The following NAV2 variants were observed in gnomAD, a reference collection of about 807,000 sequenced individuals.
NAV2 encodes helicase, APC down-regulated 1.
Under a neutral mutation model 223.2 loss-of-function variants are expected in NAV2, and 54 were observed. The ratio of observed to expected loss-of-function variants is 0.24; its 90% CI spans 0.19 to 0.30. The LOEUF (loss-of-function observed/expected upper bound fraction) is 0.30. Ranked by LOEUF, NAV2 falls within the 10% of genes least tolerant of loss-of-function variation. The pLI, the probability that NAV2 is intolerant of heterozygous loss-of-function variation, is 1.00. For missense variants in NAV2, 2,806 were observed against 3,147.5 expected (o/e 0.89, Z 2.60); for synonymous variants, 1,279 against 1,239.3 (o/e 1.03, Z -0.67).
chr11:19,932,236 C>CAAAAAAAAA (rs398015484), intron 6 of NAV2, among the ~76,000 whole-genome samples: 104 of 78,784 alleles, frequency 1.3e-3, no homozygotes, highest in African/African-American at 2.0e-3. Context: ...CACTCTTAAG[C>CAAAAAAAAA]AAAAAAAAAA....
At chr11:20,063,095 T>C (rs2058811709) in intron 20 of NAV2, among the ~76,000 whole-genome samples, 1 of 152,254 alleles carries the variant, frequency 6.6e-6, no homozygotes, top group Admixed American at 6.5e-5. Flanking sequence ...CACTACAATA[T>C]AAACTCTTTC....
intron 1 of NAV2, among the ~76,000 whole-genome samples, chr11:19,652,194 T>G (rs2047990789): frequency 6.6e-6 from 1 of 152,204 alleles, no homozygotes; most frequent in Admixed American, 6.5e-5. Flanking sequence ...TCATTCAGAA[T>G]CTACCCAGGG....
At chr11:20,106,171 A>ATGTGTGTG (rs2062032179) in intron 35 of NAV2, among the ~76,000 whole-genome samples, 1 of 9,280 alleles carries the variant, frequency 1.1e-4, no homozygotes, top group South Asian at 0.01. Context: ...ATATATATAT[A>ATGTGTGTG]TATATGTGTG....
intron 1 of NAV2, among the ~76,000 whole-genome samples, chr11:19,487,338 C>T (rs1246688305): frequency 6.6e-6 from 1 of 152,216 alleles, no homozygotes. Flanking sequence ...GGAAAAGGAG[C>T]TGATACTCTG....
At chr11:19,711,409 C>T (rs1247502023), upstream of NAV2, 1 of 152,174 alleles carries the variant, frequency 6.6e-6, no homozygotes, top group Admixed American at 6.5e-5. Flanking sequence ...AGAAGACTGC[C>T]TTCTGTGTCC....
intron 1 of NAV2, among the ~76,000 whole-genome samples, chr11:19,508,142 T>C (rs1213507779): frequency 3.3e-5 from 5 of 152,074 alleles, no homozygotes; most frequent in Non-Finnish European, 7.4e-5. Flanking sequence ...CACATGCTGA[T>C]GGGGGCTGCT....
At chr11:19,757,156 G>A (rs928269483) in intron 1 of NAV2, among the ~76,000 whole-genome samples, 3 of 152,164 alleles carry the variant, frequency 2.0e-5, no homozygotes, top group African/African-American at 7.2e-5. Context: ...CTATTTTAAT[G>A]TTGTTTTGAA....
intron 1 of NAV2, among the ~76,000 whole-genome samples, chr11:19,665,461 C>T (rs1178214724): frequency 6.6e-6 from 1 of 152,180 alleles, no homozygotes; most frequent in South Asian, 2.1e-4. Flanking sequence ...CCCATGGCAG[C>T]TCTGCTCAGG....
intron 1 of NAV2, among the ~76,000 whole-genome samples, chr11:19,652,661 C>T (rs2048003229): frequency 6.6e-6 from 1 of 152,192 alleles, no homozygotes; most frequent in African/African-American, 2.4e-5. Context: ...TCGCTTTATC[C>T]TCCATGGCTG....
chr11:19,368,908 A>G (rs188840929), intron 1 of NAV2, among the ~76,000 whole-genome samples: 114 of 152,326 alleles, frequency 7.5e-4, no homozygotes, highest in Non-Finnish European at 1.1e-3. Context: ...GTTCAAGTCC[A>G]TTTAGCTCCA....
At chr11:19,771,110 A>G (rs748462157) in intron 1 of NAV2, among the ~76,000 whole-genome samples, 20 of 152,296 alleles carry the variant, frequency 1.3e-4, no homozygotes, top group Middle Eastern at 3.4e-3. Flanking sequence ...GAATCTGTCA[A>G]TTCTATTTAA....
intron 1 of NAV2, among the ~76,000 whole-genome samples, chr11:19,560,228 C>T (rs1403155040): frequency 6.6e-6 from 1 of 152,182 alleles, no homozygotes; most frequent in Non-Finnish European, 1.5e-5. Flanking sequence ...TAAGGATGTG[C>T]TTCCTGAGAA....
intron 11 of NAV2, among the ~76,000 whole-genome samples, chr11:20,033,040 C>T (rs1481385594): frequency 2.6e-5 from 4 of 152,240 alleles, no homozygotes; most frequent in African/African-American, 7.2e-5. Flanking sequence ...GCTCAGGGAA[C>T]AGCCGTTGTT....
At chr11:19,912,864 G>A (rs1347951769) in intron 6 of NAV2, among the ~76,000 whole-genome samples, 6 of 152,194 alleles carry the variant, frequency 3.9e-5, no homozygotes, top group Non-Finnish European at 8.8e-5. Flanking sequence ...TTAGTGCATT[G>A]TGTTACTAAA....
chr11:20,074,466 G>T (rs1348201594), intron 22 of NAV2, among the ~76,000 whole-genome samples: 2 of 152,216 alleles, frequency 1.3e-5, no homozygotes, highest in African/African-American at 4.8e-5. Context: ...GTCCAGAGAT[G>T]AGCTCAAGTC....
intron 11 of NAV2, among the ~76,000 whole-genome samples, chr11:19,995,488 G>A (rs922378327): frequency 5.9e-5 from 9 of 152,178 alleles, no homozygotes; most frequent in East Asian, 1.9e-4. Context: ...GTCCATTCTC[G>A]CTGTACTTCA....
At chr11:19,922,332 T>G (rs1255216918) in intron 6 of NAV2, among the ~76,000 whole-genome samples, 1 of 152,224 alleles carries the variant, frequency 6.6e-6, no homozygotes, top group Non-Finnish European at 1.5e-5. Context: ...AGAAGAGTTC[T>G]TCTACCGTTG....
At chr11:19,440,960 T>G (rs1276067342) in intron 1 of NAV2, among the ~76,000 whole-genome samples, 1 of 152,152 alleles carries the variant, frequency 6.6e-6, no homozygotes, top group African/African-American at 2.4e-5. Context: ...TTGTTTGCAG[T>G]GTAATGAGGA....
chr11:19,451,301 A>C (rs576524422), intron 1 of NAV2, among the ~76,000 whole-genome samples: 1 of 152,112 alleles, frequency 6.6e-6, no homozygotes, highest in East Asian at 1.9e-4. Context: ...TGACTCCAAG[A>C]TATTCCTAGA....
Sources: gnomAD v4.1 joint callset for allele counts (sites outside exome capture counted in the v4.1 genomes callset) on GRCh38, gnomAD v4.1.1 for gene constraint, MANE v1.5 for transcripts, NCBI Gene and HGNC (gene_info 2026-07-23, HGNC 2026-07-21) for gene names.